The following IFT57 variants were observed in gnomAD, a reference collection of about 807,000 sequenced individuals.
IFT57 encodes the protein intraflagellar transport protein 57 homolog.
A neutral mutation model predicts 56.8 loss-of-function variants in IFT57; 59 were observed. That is an observed-to-expected ratio of 1.04 (90% confidence interval 0.84 to 1.29). IFT57 has a LOEUF of 1.29. IFT57 is among the 50% of genes most tolerant of loss of function. The pLI, the probability that IFT57 is intolerant of heterozygous loss-of-function variation, is 0.00. For missense variants in IFT57, 470 were observed against 522.1 expected, an observed-to-expected ratio of 0.90 and a Z score of 0.97; for synonymous variants, 209 against 186.1, an observed-to-expected ratio of 1.12 and a Z score of -1.00.
intron 6 of IFT57, among the ~76,000 whole-genome samples, chr3:108,191,043 G>A (rs536193882): frequency 2.0e-5 from 3 of 152,186 alleles, no homozygotes; most frequent in South Asian, 2.1e-4. Context: ...TGCCCACCTC[G>A]GCCTCCCAAA....
chr3:108,219,737 C>G (rs1289753), intron 1 of IFT57, among the ~76,000 whole-genome samples, 165 bp from the exon 2 acceptor site: 1 of 151,918 alleles, frequency 6.6e-6, no homozygotes, highest in Non-Finnish European at 1.5e-5. Flanking sequence ...TAATCCACAG[C>G]ACTCACATTG....
At chr3:108,215,740 T>G (rs964318495) in intron 3 of IFT57, among the ~76,000 whole-genome samples, 5 of 152,226 alleles carry the variant, frequency 3.3e-5, no homozygotes, top group Admixed American at 2.6e-4. Context: ...TTCATCTATA[T>G]GTAACGTCTA....
chr3:108,211,352 T>A (rs2080341797), intron 4 of IFT57, among the ~76,000 whole-genome samples: 1 of 152,270 alleles, frequency 6.6e-6, no homozygotes, highest in South Asian at 2.1e-4. Context: ...ACTTAATTTC[T>A]GAGCTTGAAC....
At chr3:108,195,067 C>A (rs1186058495) in intron 5 of IFT57, among the ~76,000 whole-genome samples, 2 of 151,930 alleles carry the variant, frequency 1.3e-5, no homozygotes, top group Non-Finnish European at 2.9e-5. Flanking sequence ...TGCAAACTAC[C>A]CATCTGAAAG....
chr3:108,180,960 T>C (rs556653585), intron 6 of IFT57, among the ~76,000 whole-genome samples: 14 of 152,052 alleles, frequency 9.2e-5, no homozygotes, highest in Non-Finnish European at 2.1e-4. Context: ...ATATCAACAG[T>C]GAGGCATTAG....
chr3:108,216,344 T>C (rs144304814), intron 3 of IFT57, among the ~76,000 whole-genome samples: 5 of 152,158 alleles, frequency 3.3e-5, no homozygotes, highest in African/African-American at 7.2e-5. Context: ...AAAAAATACA[T>C]AGAAACGGCC....
chr3:108,198,773 T>G (rs1387704563), intron 5 of IFT57, among the ~76,000 whole-genome samples: 1 of 152,126 alleles, frequency 6.6e-6, no homozygotes, highest in Non-Finnish European at 1.5e-5. Context: ...TGCCTTATTA[T>G]TTGTTATTGT....
chr3:108,170,939 A>T (rs1235386788), intron 6 of IFT57, among the ~76,000 whole-genome samples: 1 of 151,882 alleles, frequency 6.6e-6, no homozygotes, highest in Non-Finnish European at 1.5e-5. Context: ...TAATTTTAAA[A>T]GAGTAATTGA....
rs1191625842 is a variant in IFT57, at chr3:108,222,025, C to A, written c.212+86G>T. On this transcript the variant is annotated intron_variant, in intron 1 of 10. Transcript: ENST00000264538. The stretch of plus-strand genomic sequence containing the variant: ...AGGCAAGGAATTGCTAACCCGCTCT[C>A]ACGAAACTGGTTCCCAGCAGGACCA... 13 of 1,529,876 alleles carry A rather than the reference C, an allele frequency of 8.5e-6. No individual in the cohort carries two copies. In the South Asian group the frequency reaches 1.6e-4, roughly 19 times the overall value. 94.8% of individuals were successfully genotyped at this position (1,529,876 alleles called of 1,614,324 possible).
At chr3:108,184,108 G>T (rs1170953093) in intron 6 of IFT57, among the ~76,000 whole-genome samples, 2 of 152,180 alleles carry the variant, frequency 1.3e-5, no homozygotes, top group Non-Finnish European at 2.9e-5. Context: ...CAGTTTCTAA[G>T]AAATGGACTC....
chr3:108,191,428 T>C (rs1407134564), intron 6 of IFT57, 93 bp downstream of exon 6: 1 of 810,214 alleles, frequency 1.2e-6, no homozygotes, highest in Non-Finnish European at 1.8e-6. Context: ...ACTGCCCTTC[T>C]TTAATAATTT....
chr3:108,167,724 T>C (rs1445268684), intron 7 of IFT57, 69 bp downstream of exon 7: 6 of 1,071,240 alleles, frequency 5.6e-6, no homozygotes, highest in East Asian at 2.7e-5. Flanking sequence ...TATTCTTTCA[T>C]GTTCTCTTAT....
intron 6 of IFT57, among the ~76,000 whole-genome samples, chr3:108,182,185 T>C (rs1473142659): frequency 6.6e-6 from 1 of 152,040 alleles, no homozygotes; most frequent in Non-Finnish European, 1.5e-5. Flanking sequence ...CTAAATTTTA[T>C]TAATACCCAC....
intron 8 of IFT57, 128 bp from the exon 9 acceptor site, chr3:108,165,621 A>G (rs764341687): frequency 5.5e-6 from 4 of 724,594 alleles, no homozygotes; most frequent in Non-Finnish European, 1.0e-5. Context: ...TTGTGAATAC[A>G]TTTGTGAAAG....
chr3:108,204,778 G>C (rs1416342160), intron 5 of IFT57, among the ~76,000 whole-genome samples: 2 of 152,106 alleles, frequency 1.3e-5, no homozygotes, highest in African/African-American at 2.4e-5. Context: ...CAATAGACTT[G>C]GAGTTTGGAG....
intron 9 of IFT57, among the ~76,000 whole-genome samples, 193 bp from the exon 10 acceptor site, chr3:108,163,922 C>T (rs2080047409): frequency 6.6e-6 from 1 of 151,936 alleles, no homozygotes. Context: ...TTTCAGAATG[C>T]TCCTAATGTT....
intron 10 of IFT57, 43 bp from the exon 11 acceptor site, chr3:108,162,698 G>A (rs1314090644): frequency 1.2e-5 from 17 of 1,452,446 alleles, no homozygotes; most frequent in Non-Finnish European, 1.6e-5. Context: ...TTCATTTGGA[G>A]TATCAGTGTA....
chr3:108,166,740 T>C, intron 8 of IFT57, 114 bp downstream of exon 8: 1 of 825,346 alleles, frequency 1.2e-6, no homozygotes, highest in South Asian at 3.2e-5. Flanking sequence ...AGAAAATTGA[T>C]GTTTTGCTGT....
Position 108,208,255 on chromosome 3 carries a change from G to T in IFT57, c.586-1559C>A, listed in dbSNP as rs1327894239. On this transcript the variant is annotated intron_variant, in intron 4 of 10. Transcript: ENST00000264538. ...AGTGATCACTTTATATCTTAAAACT[G>T]AAGCAGAGGTATACACTTTTGTCAA... 2.6e-5 allele frequency among the ~76,000 whole-genome samples: 4 copies of T among 152,174 alleles called. No individual in the cohort carries two copies. In the East Asian group the frequency reaches 7.7e-4, roughly 29 times the overall value.
Sources: gnomAD v4.1 joint callset for allele counts (sites outside exome capture counted in the v4.1 genomes callset) on GRCh38, gnomAD v4.1.1 for gene constraint, MANE v1.5 for transcripts, NCBI Gene and HGNC (gene_info 2026-07-23, HGNC 2026-07-21) for gene names.